SMC1B: variants seen among roughly 807,000 people sequenced by gnomAD.
The protein encoded by SMC1B is structural maintenance of chromosomes protein 1B.
A neutral mutation model predicts 157.9 loss-of-function variants in SMC1B; 60 were observed. The observed-to-expected ratio is 0.38, with a 90% CI of 0.31 to 0.47. The LOEUF (loss-of-function observed/expected upper bound fraction) is 0.47, where lower values mean the gene tolerates loss of function less well. Among genes scored for constraint, SMC1B ranks in the 20% least tolerant of loss-of-function variants. The pLI, the probability that SMC1B is intolerant of heterozygous loss-of-function variation, is 0.99. For synonymous variants in SMC1B, 445 were observed against 483.0 expected (o/e 0.92, Z 1.03); for missense variants, 1,165 against 1,426.2 (o/e 0.82, Z 2.95).
At chr22:45,356,585 C>T (rs369695110) in intron 19 of SMC1B, among the ~76,000 whole-genome samples, 6 of 152,110 alleles carry the variant, frequency 3.9e-5, no homozygotes, top group African/African-American at 1.2e-4. Context: ...ATCCATATAT[C>T]GCAAGAGAAA....
intron 1 of SMC1B, among the ~76,000 whole-genome samples, chr22:45,410,917 T>C (rs1320421509): frequency 2.6e-5 from 4 of 152,214 alleles, no homozygotes; most frequent in Admixed American, 6.5e-5. Flanking sequence ...TAATGGATAA[T>C]CTGCACATTG....
chr22:45,362,854 A>G, intron 16 of SMC1B, 31 bp downstream of exon 16: 1 of 1,562,722 alleles, frequency 6.4e-7, no homozygotes, highest in South Asian at 1.2e-5. Flanking sequence ...ATTTCAATGA[A>G]GAGGCACTTC....
chr22:45,369,932 C>A, intron 15 of SMC1B, 22 bp downstream of exon 15: 1 of 1,297,620 alleles, frequency 7.7e-7, no homozygotes, highest in South Asian at 1.3e-5. Flanking sequence ...AGCTCCTTAC[C>A]AACATCTTTT....
At chr22:45,402,041 G>T (rs913125183) in intron 5 of SMC1B, among the ~76,000 whole-genome samples, 2 of 152,032 alleles carry the variant, frequency 1.3e-5, no homozygotes, top group African/African-American at 4.8e-5. Context: ...CTGCCACCAT[G>T]CCCAGCTAAT....
chr22:45,359,465 A>C (rs2086700240), intron 18 of SMC1B, among the ~76,000 whole-genome samples: 1 of 152,216 alleles, frequency 6.6e-6, no homozygotes, highest in Non-Finnish European at 1.5e-5. Flanking sequence ...CAACTGTTGG[A>C]GAAGGTGCAG....
intron 19 of SMC1B, among the ~76,000 whole-genome samples, chr22:45,357,743 CAT>C (rs2086683467): frequency 6.6e-6 from 1 of 152,162 alleles, no homozygotes; most frequent in Non-Finnish European, 1.5e-5. Context: ...TTTGTGATAA[CAT>C]GATACAATAA....
At chr22:45,362,123 G>A (rs1483896418) in intron 16 of SMC1B, 139 bp from the exon 17 acceptor site, 2 of 722,550 alleles carry the variant, frequency 2.8e-6, no homozygotes, top group African/African-American at 1.8e-5. Context: ...TTCCATCGTG[G>A]ACTGTGACTC....
chr22:45,349,427 C>T (rs541633754), intron 23 of SMC1B, among the ~76,000 whole-genome samples: 2 of 137,730 alleles, frequency 1.5e-5, no homozygotes, highest in African/African-American at 5.6e-5. Context: ...ACCTTCACCT[C>T]CCGGGTTCAA....
At chr22:45,407,349 G>A (rs1163089681) in intron 2 of SMC1B, among the ~76,000 whole-genome samples, 1 of 152,132 alleles carries the variant, frequency 6.6e-6, no homozygotes, top group African/African-American at 2.4e-5. Context: ...ATTTTAACCT[G>A]ACAATATAAA....
At chr22:45,363,076 CCTT>C in intron 15 of SMC1B, 50 bp from the exon 16 acceptor site, 1 of 1,319,744 alleles carries the variant, frequency 7.6e-7, no homozygotes, top group Non-Finnish European at 1.0e-6. Context: ...AACTTTGATT[CCTT>C]CTTTTTTCTT....
At chr22:45,369,884 C>T in intron 15 of SMC1B, 70 bp downstream of exon 15, 6 of 934,102 alleles carry the variant, frequency 6.4e-6, no homozygotes, top group Non-Finnish European at 9.7e-6. Context: ...CATAATTCCT[C>T]TAAATTATGA....
intron 24 of SMC1B, among the ~76,000 whole-genome samples, 167 bp from the exon 25 acceptor site, chr22:45,344,824 G>A (rs182099716): frequency 1.3e-5 from 2 of 152,266 alleles, no homozygotes; most frequent in Admixed American, 6.5e-5. Context: ...TATCTGGTAT[G>A]AGAATTTCCA....
chr22:45,398,181 T>C (rs773252609), intron 6 of SMC1B, among the ~76,000 whole-genome samples: 28 of 152,268 alleles, frequency 1.8e-4, no homozygotes, highest in Non-Finnish European at 3.7e-4. Context: ...CTCTGGGGCT[T>C]TGGGGTCAGG....
At chr22:45,412,971 A>C (rs1268052868) in intron 1 of SMC1B, among the ~76,000 whole-genome samples, 1 of 152,172 alleles carries the variant, frequency 6.6e-6, no homozygotes, top group Admixed American at 6.5e-5. Flanking sequence ...GCCAAGGGCA[A>C]GAGCAGTCCC....
At chr22:45,351,223 C>T (rs1370153898) in intron 22 of SMC1B, among the ~76,000 whole-genome samples, 2 of 152,148 alleles carry the variant, frequency 1.3e-5, no homozygotes, top group African/African-American at 4.8e-5. Context: ...TATTTATTAT[C>T]TGCCTTCCCC....
At chr22:45,375,867 G>A (rs2146803013) in intron 12 of SMC1B, among the ~76,000 whole-genome samples, 1 of 151,974 alleles carries the variant, frequency 6.6e-6, no homozygotes, top group Non-Finnish European at 1.5e-5. Flanking sequence ...TACTCATAAG[G>A]GAAGTCAGTT....
At chr22:45,394,099 T>C (rs1239110638) in intron 8 of SMC1B, among the ~76,000 whole-genome samples, 1 of 151,864 alleles carries the variant, frequency 6.6e-6, no homozygotes, top group African/African-American at 2.4e-5. Context: ...AGTGGGTGGC[T>C]GGCTTGAGTC....
intron 9 of SMC1B, among the ~76,000 whole-genome samples, chr22:45,390,224 A>G (rs777251001): frequency 6.6e-6 from 1 of 151,956 alleles, no homozygotes. Context: ...CTACTATTGC[A>G]GGTACTGAGC....
At chr22:45,363,104 A>G in intron 15 of SMC1B, 78 bp from the exon 16 acceptor site, 1 of 1,060,768 alleles carries the variant, frequency 9.4e-7, no homozygotes, top group Non-Finnish European at 1.3e-6. Flanking sequence ...GAAATTTCAA[A>G]CAAATATAAA....
Sources: gnomAD v4.1 joint callset for allele counts (sites outside exome capture counted in the v4.1 genomes callset) on GRCh38, gnomAD v4.1.1 for gene constraint, MANE v1.5 for transcripts, NCBI Gene and HGNC (gene_info 2026-07-23, HGNC 2026-07-21) for gene names.